The following SLC35F1 variants were observed in gnomAD, a reference collection of about 807,000 sequenced individuals.
SLC35F1 encodes the protein chromosome 6 open reading frame 169.
In SLC35F1, 14 loss-of-function variants were observed where a neutral mutation model predicts 48.7. The observed-to-expected ratio is 0.29, with a 90% confidence interval of 0.19 to 0.45. The LOEUF (loss-of-function observed/expected upper bound fraction) is 0.45. Among genes scored for constraint, SLC35F1 ranks in the 20% least tolerant of loss-of-function variants. The probability of loss-of-function intolerance (pLI) is 1.00; values close to 1 mark genes in which losing one functional copy is unlikely to be tolerated. For missense variants in SLC35F1, 404 were observed against 500.0 expected, an observed-to-expected ratio of 0.81 and a Z score of 1.83; for synonymous variants, 190 against 202.2, an observed-to-expected ratio of 0.94 and a Z score of 0.51.
chr6:117,980,502 T>C (rs955894020), intron 1 of SLC35F1, among the ~76,000 whole-genome samples: 3 of 152,184 alleles, frequency 2.0e-5, no homozygotes, highest in Non-Finnish European at 4.4e-5. Flanking sequence ...GAAATGTTAC[T>C]GGATATAAGA....
At chr6:118,044,725 C>A (rs1320287320) in intron 1 of SLC35F1, among the ~76,000 whole-genome samples, 2 of 151,944 alleles carry the variant, frequency 1.3e-5, no homozygotes, top group Non-Finnish European at 2.9e-5. Context: ...TAGTCTATAG[C>A]TGCACCTACA....
chr6:118,273,661 C>T (rs1385653688), intron 4 of SLC35F1, among the ~76,000 whole-genome samples: 1 of 152,200 alleles, frequency 6.6e-6, no homozygotes, highest in African/African-American at 2.4e-5. Context: ...AAAGATTTCA[C>T]ATTCTGTCAC....
Position 118,275,523 on chromosome 6 carries a change from C to A in SLC35F1, c.702C>A (p.Asn234Lys), listed in dbSNP as rs776638600. 1 of 1,613,930 alleles carries A rather than the reference C, an allele frequency of 6.2e-7. No individual in the cohort carries two copies. The highest frequency in any genetic ancestry group is 8.5e-7 in the Non-Finnish European group (1 of 1,179,910). ...GAGCCACACTCTATGGTATTTCTAACGTCTGGGAAGAATACATCATCCGAA... is the reference window on the plus strand; with the variant it reads ...GAGCCACACTCTATGGTATTTCTAAAGTCTGGGAAGAATACATCATCCGAA... The part of the protein sequence containing the change: ...LGGATLYGIS[N>K]VWEEYIIRTL... The change falls in exon 5 of 8, where the codon AAC (asparagine) becomes AAA (lysine). Residue 234 changes from asparagine to lysine, a missense_variant. Asn to Lys is a moderately conservative substitution (Grantham distance 94). Coordinates refer to ENST00000360388, the MANE Select transcript of SLC35F1 (RefSeq NM_001029858.4).
chr6:118,001,991 ACACT>A (rs1777104718), intron 1 of SLC35F1, among the ~76,000 whole-genome samples: 1 of 146,484 alleles, frequency 6.8e-6, no homozygotes, highest in African/African-American at 2.5e-5. Flanking sequence ...GAACACTTTT[ACACT>A]GTTGGTGGGA....
chr6:118,045,220 AG>A (rs1316865365), intron 1 of SLC35F1, among the ~76,000 whole-genome samples: 1 of 152,150 alleles, frequency 6.6e-6, no homozygotes, highest in African/African-American at 2.4e-5. Flanking sequence ...CTTCCATCAG[AG>A]GTTGTATCAC....
At chr6:117,923,241 G>A (rs764615333) in intron 1 of SLC35F1, among the ~76,000 whole-genome samples, 12 of 151,918 alleles carry the variant, frequency 7.9e-5, no homozygotes, top group Non-Finnish European at 1.6e-4. Context: ...TCTTCTTAAT[G>A]TGCTGGCACC....
At chr6:118,160,028 G>A (rs441671) in intron 2 of SLC35F1, among the ~76,000 whole-genome samples, 4,316 of 152,016 alleles carry the variant, frequency 0.028, 114 homozygotes, top group African/African-American at 0.057. Context: ...ACTCATTGCT[G>A]GAGGAGTAAA....
rs141720245 is a variant in SLC35F1, at chr6:118,207,787, C to T, written c.350-27722C>T. Among the ~76,000 whole-genome samples the T allele has an allele frequency of 2.2e-3, 341 of 152,314 alleles. 1 individual carries two copies. Among genetic ancestry groups the T allele is most frequent in the African/African-American group, 7.8e-3 (325 of 41,560 alleles). On this transcript the variant is annotated intron_variant, in intron 2 of 7. Coordinates refer to ENST00000360388, the MANE Select transcript of SLC35F1 (RefSeq NM_001029858.4). ...TCCCCCTCATCTAAACTATGACTTA[C>T]TATCACCTAGAATTCCCTTAATTGC... is the stretch of plus-strand genomic sequence containing the variant.
At chr6:118,146,083 A>G (rs931615677) in intron 1 of SLC35F1, among the ~76,000 whole-genome samples, 3 of 152,190 alleles carry the variant, frequency 2.0e-5, no homozygotes, top group African/African-American at 7.2e-5. Flanking sequence ...GTACAGATGC[A>G]TCCAGCATGC....
intron 2 of SLC35F1, among the ~76,000 whole-genome samples, chr6:118,186,004 A>G (rs1001698463): frequency 6.6e-6 from 1 of 152,192 alleles, no homozygotes; most frequent in African/African-American, 2.4e-5. Flanking sequence ...TGTATTTATT[A>G]TACATGACAA....
rs546786486 is a variant in SLC35F1, at chr6:118,268,631, A to G, written c.637+1477A>G. Among the ~76,000 whole-genome samples, 14 of 96,434 alleles carry G rather than the reference A, an allele frequency of 1.5e-4. No homozygotes were observed. The South Asian group carries it at 4.8e-3, about 33-fold the overall frequency. 63.3% of individuals were successfully genotyped at this position (96,434 alleles called of 152,430 possible). A position where few individuals can be genotyped will look rare whatever the true frequency, so the allele number is the denominator to read the frequency against. ...TTTTTTTTTTTTTTTTTTTTTTGAG[A>G]CAGAGTCCCGCTCTGTTGCCCAGGC... On this transcript the variant is annotated intron_variant, in intron 4 of 7. Coordinates refer to ENST00000360388, the MANE Select transcript of SLC35F1 (RefSeq NM_001029858.4).
chr6:117,909,394 T>C (rs1380262083), intron 1 of SLC35F1, among the ~76,000 whole-genome samples: 1 of 152,188 alleles, frequency 6.6e-6, no homozygotes, highest in African/African-American at 2.4e-5. Context: ...AAAATATTGA[T>C]GTAATATTTT....
chr6:118,172,264 T>C (rs1169264854), intron 2 of SLC35F1, among the ~76,000 whole-genome samples: 1 of 152,166 alleles, frequency 6.6e-6, no homozygotes, highest in African/African-American at 2.4e-5. Flanking sequence ...GTAGGTTTAC[T>C]GGTGTTGAAT....
Position 117,943,019 on chromosome 6 carries a change from T to G in SLC35F1, c.173+35120T>G, listed in dbSNP as rs547029407. Among the ~76,000 whole-genome samples, 16 of 152,330 alleles carry G rather than the reference T, an allele frequency of 1.1e-4. No homozygotes were observed. In the East Asian group the frequency reaches 2.9e-3, roughly 28 times the overall value. ...ACCATGCCAATCTCAATTCTTTCAG[T>G]TCTAACACAGTCAATAGTCAAGTGC... On this transcript the variant is annotated intron_variant, in intron 1 of 7. Coordinates refer to ENST00000360388, the MANE Select transcript of SLC35F1 (RefSeq NM_001029858.4).
At chr6:118,066,737 G>C (rs111543714) in intron 1 of SLC35F1, among the ~76,000 whole-genome samples, 2,152 of 140,972 alleles carry the variant, frequency 0.015, 58 homozygotes, top group African/African-American at 0.052. Flanking sequence ...TAAGGCAGTA[G>C]TTCTTTTTTT....
intron 3 of SLC35F1, among the ~76,000 whole-genome samples, chr6:118,262,193 G>A (rs1305649816): frequency 1.3e-5 from 2 of 152,044 alleles, no homozygotes; most frequent in Non-Finnish European, 2.9e-5. Context: ...CGGAAGTGTG[G>A]GTGTCTAAAG....
intron 2 of SLC35F1, among the ~76,000 whole-genome samples, chr6:118,200,320 T>C (rs530906371): frequency 1.3e-5 from 2 of 152,240 alleles, no homozygotes; most frequent in African/African-American, 4.8e-5. Context: ...GAATATAGTA[T>C]GGACAACTGG....
At chr6:118,247,993 T>A (rs1775529590) in intron 3 of SLC35F1, among the ~76,000 whole-genome samples, 1 of 152,228 alleles carries the variant, frequency 6.6e-6, no homozygotes, top group South Asian at 2.1e-4. Context: ...CCAAAAAGTA[T>A]GAGCAACTGC....
intron 1 of SLC35F1, among the ~76,000 whole-genome samples, chr6:117,927,011 G>A (rs1582567584): frequency 6.6e-6 from 1 of 152,150 alleles, no homozygotes; most frequent in Non-Finnish European, 1.5e-5. Flanking sequence ...GCTGGTCAAT[G>A]TTTGATTTCA....
Sources: gnomAD v4.1 joint callset for allele counts (sites outside exome capture counted in the v4.1 genomes callset) on GRCh38, gnomAD v4.1.1 for gene constraint, MANE v1.5 for transcripts, NCBI Gene and HGNC (gene_info 2026-07-23, HGNC 2026-07-21) for gene names.